The following BRD7 variants were observed in gnomAD, a reference collection of about 807,000 sequenced individuals.
The protein encoded by BRD7 is bromodomain-containing protein 7.
A neutral mutation model predicts 82.1 loss-of-function variants in BRD7; 15 were observed. The ratio of observed to expected loss-of-function variants is 0.18; its 90% CI spans 0.12 to 0.28. The LOEUF (loss-of-function observed/expected upper bound fraction) is 0.28, where lower values mean the gene tolerates loss of function less well. Among genes scored for constraint, BRD7 ranks in the 10% least tolerant of loss-of-function variants. BRD7 has a pLI of 1.00. For missense variants in BRD7, 638 were observed against 779.9 expected (o/e 0.82, Z 2.17); for synonymous variants, 232 against 266.9 (o/e 0.87, Z 1.27).
At chr16:50,334,492 A>T (rs2037707533) in intron 7 of BRD7, among the ~76,000 whole-genome samples, 1 of 152,186 alleles carries the variant, frequency 6.6e-6, no homozygotes, top group Non-Finnish European at 1.5e-5. Flanking sequence ...ATAAGAATAC[A>T]CATTAGAACT....
intron 5 of BRD7, among the ~76,000 whole-genome samples, chr16:50,348,347 A>T (rs1203093043): frequency 6.6e-6 from 1 of 152,228 alleles, no homozygotes; most frequent in Admixed American, 6.5e-5. Context: ...GGACATAGGC[A>T]TGGGCAAGGA....
intron 4 of BRD7, among the ~76,000 whole-genome samples, chr16:50,353,625 GCT>G (rs2038621112): frequency 6.6e-6 from 1 of 150,496 alleles, no homozygotes; most frequent in South Asian, 2.1e-4. Context: ...ACGGAATCTT[GCT>G]CTGTTGCCCA....
rs1410140501 is a variant in BRD7, at chr16:50,318,646, T to A, written c.*565A>T. 6.6e-6 allele frequency: 1 copy of A among 152,338 alleles called. No homozygotes were observed. The highest frequency in any genetic ancestry group is 2.4e-5 in the African/African-American group (1 of 41,458). 9.4% of individuals were successfully genotyped at this position (152,338 alleles called of 1,614,324 possible). On this transcript the variant is annotated 3_prime_UTR_variant, in exon 17 of 17. Transcript: ENST00000394688. The stretch of plus-strand genomic sequence containing the variant: ...CCTGATCTATTCAAGGATGACTTAG[T>A]TTATCTTATTTGGCTTATTACTTTG...
chr16:50,336,738 TA>T (rs1234522895), intron 6 of BRD7, among the ~76,000 whole-genome samples: 1 of 152,244 alleles, frequency 6.6e-6, no homozygotes, highest in Non-Finnish European at 1.5e-5. Context: ...GAACTTACAT[TA>T]AGAATGCTTT....
chr16:50,356,011 T>C (rs2038717284), intron 2 of BRD7, among the ~76,000 whole-genome samples: 2 of 152,088 alleles, frequency 1.3e-5, no homozygotes, highest in East Asian at 1.9e-4. Flanking sequence ...ATAAGTGATA[T>C]CACAGGTAAC....
At chr16:50,343,926 G>A (rs893077270) in intron 5 of BRD7, among the ~76,000 whole-genome samples, 4 of 152,204 alleles carry the variant, frequency 2.6e-5, no homozygotes, top group Admixed American at 1.3e-4. Flanking sequence ...GGTTCTGCCA[G>A]CATGGAGTTT....
At chr16:50,330,772 C>A (rs2037531708) in intron 8 of BRD7, among the ~76,000 whole-genome samples, 1 of 152,122 alleles carries the variant, frequency 6.6e-6, no homozygotes, top group African/African-American at 2.4e-5. Flanking sequence ...TTAGTTCACA[C>A]AACTTTAGTA....
In BRD7 at chr16:50,317,925, A is replaced by AAG. The variant is rs1366411695; in HGVS notation, c.*1284_*1285dup. 6.6e-6 allele frequency: 1 copy of AAG among 152,328 alleles called. No individual in the cohort carries two copies. Among genetic ancestry groups the AAG allele is most frequent in the Non-Finnish European group, 1.5e-5 (1 of 68,026 alleles). 9.4% of individuals were successfully genotyped at this position (152,328 alleles called of 1,614,324 possible). On this transcript the variant is annotated 3_prime_UTR_variant, in exon 17 of 17. Coordinates refer to ENST00000394688, the MANE Select transcript of BRD7 (RefSeq NM_013263.5). The stretch of plus-strand genomic sequence containing the variant: ...ACAAACAAACAAACAAACAGAAGAG[A>AAG]AGATCATTAACCACTGTATACTTTG...
At chr16:50,339,627 T>C (rs1283091514) in intron 6 of BRD7, among the ~76,000 whole-genome samples, 2 of 152,224 alleles carry the variant, frequency 1.3e-5, no homozygotes, top group Non-Finnish European at 2.9e-5. Context: ...AACGTTAGAT[T>C]CCACCCCTAC....
At chr16:50,357,770 C>T (rs1333766446) in intron 2 of BRD7, among the ~76,000 whole-genome samples, 5 of 152,038 alleles carry the variant, frequency 3.3e-5, no homozygotes, top group South Asian at 2.1e-4. Context: ...CACTTGAGGC[C>T]GGGAGTTTGA....
intron 5 of BRD7, among the ~76,000 whole-genome samples, chr16:50,342,455 CTTTTT>C (rs34093559): frequency 1.9e-5 from 2 of 102,952 alleles, no homozygotes; most frequent in Admixed American, 1.3e-4. Flanking sequence ...AAGACACTGT[CTTTTT>C]TTTTTTTTTT....
At chr16:50,321,566 C>CAAAAA (rs60824563) in intron 13 of BRD7, among the ~76,000 whole-genome samples, 21 of 67,460 alleles carry the variant, frequency 3.1e-4, no homozygotes, top group African/African-American at 1.1e-3. Flanking sequence ...GACTCCATCT[C>CAAAAA]AAAAAAAAAA....
intron 6 of BRD7, among the ~76,000 whole-genome samples, chr16:50,337,679 C>A (rs939796063): frequency 6.6e-6 from 1 of 152,162 alleles, no homozygotes; most frequent in African/African-American, 2.4e-5. Flanking sequence ...AAACAGTTAT[C>A]TTTGAAAAGA....
chr16:50,353,759 A>AT (rs5816691), intron 4 of BRD7, among the ~76,000 whole-genome samples: 45 of 132,812 alleles, frequency 3.4e-4, no homozygotes, highest in African/African-American at 9.8e-4. Flanking sequence ...ATGCCTGGCA[A>AT]TTTTTTTTTT....
At position 50,316,276 on chromosome 16, in the gene BRD7, G is replaced by A. The variant is rs2036795620; in HGVS notation, c.*2935C>T. On this transcript the variant is annotated 3_prime_UTR_variant, in exon 17 of 17. Coordinates refer to ENST00000394688, the MANE Select transcript of BRD7 (RefSeq NM_013263.5). ...CTGGCTGTGGGGATAGAGTCCTGAG[G>A]AATGTGGTCACAGCAAGAAGGCGGG... is the stretch of plus-strand genomic sequence containing the variant. 1 of 152,422 alleles carries A rather than the reference G, an allele frequency of 6.6e-6. No individual in the cohort carries two copies. Among genetic ancestry groups the A allele is most frequent in the African/African-American group, 2.4e-5 (1 of 41,462 alleles). 9.4% of individuals were successfully genotyped at this position (152,422 alleles called of 1,614,324 possible).
intron 4 of BRD7, among the ~76,000 whole-genome samples, 193 bp from the exon 5 acceptor site, chr16:50,350,360 C>G (rs1448257580): frequency 6.6e-6 from 1 of 152,154 alleles, no homozygotes; most frequent in Non-Finnish European, 1.5e-5. Flanking sequence ...GTTTTACATA[C>G]TAGCTGTACC....
At chr16:50,355,122 A>G (rs1404191768) in intron 2 of BRD7, among the ~76,000 whole-genome samples, 200 bp from the exon 3 acceptor site, 1 of 152,244 alleles carries the variant, frequency 6.6e-6, no homozygotes, top group Non-Finnish European at 1.5e-5. Flanking sequence ...TCTCTATGCC[A>G]GAAATAACCA....
chr16:50,362,205 G>A (rs1049183049), intron 2 of BRD7, among the ~76,000 whole-genome samples: 14 of 152,170 alleles, frequency 9.2e-5, no homozygotes, highest in Non-Finnish European at 2.1e-4. Context: ...TGTACTCTCA[G>A]GAGCCTCAGA....
At chr16:50,320,873 A>G in intron 13 of BRD7, 99 bp from the exon 14 acceptor site, 1 of 795,022 alleles carries the variant, frequency 1.3e-6, no homozygotes, top group Admixed American at 2.0e-5. Context: ...AGGCAAAGTT[A>G]TTCTACCTAT....
Sources: gnomAD v4.1 joint callset for allele counts (sites outside exome capture counted in the v4.1 genomes callset) on GRCh38, gnomAD v4.1.1 for gene constraint, MANE v1.5 for transcripts, NCBI Gene and HGNC (gene_info 2026-07-23, HGNC 2026-07-21) for gene names.